Variants in UBR2 observed in about 807,000 individuals in gnomAD.
UBR2 encodes E3 ubiquitin-protein ligase UBR2.
In UBR2, 92 loss-of-function variants were observed where a neutral mutation model predicts 247.9. That is an observed-to-expected ratio of 0.37 (90% CI 0.31 to 0.44). UBR2 has a LOEUF of 0.44. Among genes scored for constraint, UBR2 ranks in the 20% least tolerant of loss-of-function variants. The pLI, the probability that UBR2 is intolerant of heterozygous loss-of-function variation, is 1.00. For synonymous variants in UBR2, 672 were observed against 693.5 expected (o/e 0.97, Z 0.49); for missense variants, 1,613 against 2,112.6 (o/e 0.76, Z 4.64).
chr6:42,618,208 G>C (rs1478742351), intron 11 of UBR2, among the ~76,000 whole-genome samples: 1 of 152,136 alleles, frequency 6.6e-6, no homozygotes, highest in Non-Finnish European at 1.5e-5. Context: ...AAAATAACAA[G>C]AGACCTGTCC....
Position 42,691,526 on chromosome 6 carries a change from C to CA in UBR2, c.*353_*354insA, listed in dbSNP as rs1252696275. On this transcript the variant is annotated 3_prime_UTR_variant, in exon 47 of 47. Transcript: ENST00000372901. ...AACCGTGGGTCCGAAGCTGACTCAACGGAGGCAGGGAACAAAGTCTCTGTG... is the reference window on the plus strand; with the variant it reads ...AACCGTGGGTCCGAAGCTGACTCAACAGGAGGCAGGGAACAAAGTCTCTGTG... The CA allele has an allele frequency of 5.2e-5, 14 of 270,778 alleles. No individual in the cohort carries two copies. In the East Asian group the frequency reaches 1.8e-3, roughly 34 times the overall value. 16.8% of individuals were successfully genotyped at this position (270,778 alleles called of 1,614,324 possible). A position where few individuals can be genotyped will look rare whatever the true frequency, so the allele number is the denominator to read the frequency against.
intron 2 of UBR2, among the ~76,000 whole-genome samples, chr6:42,576,142 G>A (rs1791490934): frequency 6.6e-6 from 1 of 152,000 alleles, no homozygotes; most frequent in Non-Finnish European, 1.5e-5. Flanking sequence ...GTTCTTTTTA[G>A]TGGAAAATGG....
chr6:42,680,757 A>C (rs779500839), intron 42 of UBR2, among the ~76,000 whole-genome samples: 2 of 152,200 alleles, frequency 1.3e-5, no homozygotes, highest in African/African-American at 2.4e-5. Flanking sequence ...TGCAAACTAC[A>C]TATCTGATAA....
At chr6:42,645,030 A>G (rs547994990) in intron 20 of UBR2, among the ~76,000 whole-genome samples, 6 of 152,060 alleles carry the variant, frequency 3.9e-5, no homozygotes, top group Non-Finnish European at 8.8e-5. Flanking sequence ...GACCCCCTGC[A>G]GTCCATAGAG....
At chr6:42,644,130 A>C in intron 18 of UBR2, 84 bp from the exon 19 acceptor site, 1 of 1,421,980 alleles carries the variant, frequency 7.0e-7, no homozygotes, top group Non-Finnish European at 9.4e-7. Context: ...GGGCAAGCCA[A>C]ACTATCTCTC....
In UBR2 at chr6:42,692,326, T is replaced by C. The variant is rs1490445525; in HGVS notation, c.*1153T>C. 8 of 152,234 alleles carry C rather than the reference T, an allele frequency of 5.3e-5. No homozygotes were observed. Among genetic ancestry groups the C allele is most frequent in the Admixed American group, 5.2e-4 (8 of 15,284 alleles). 9.4% of individuals were successfully genotyped at this position (152,234 alleles called of 1,614,324 possible). ...CTGGAACAGACAAGCTGCTGCTTCC[T>C]TGCTGGCTCACTTAGTGCATTCCTG... is the stretch of plus-strand genomic sequence containing the variant. On this transcript the variant is annotated 3_prime_UTR_variant, in exon 47 of 47. Coordinates refer to ENST00000372901, the MANE Select transcript of UBR2 (RefSeq NM_001363705.2).
intron 8 of UBR2, 141 bp from the exon 9 acceptor site, chr6:42,614,930 T>C (rs1794442723): frequency 1.7e-6 from 1 of 591,262 alleles, no homozygotes; most frequent in Non-Finnish European, 2.8e-6. Flanking sequence ...ATAAAACAGT[T>C]AATATGTTTG....
Position 42,632,877 on chromosome 6 carries a change from CT to C in UBR2, c.1523del (p.Leu508TrpfsTer4). On this transcript the variant is annotated frameshift_variant, in exon 13 of 47. Transcript: ENST00000372901. LOFTEE classifies it high-confidence loss of function. ...RQKFLEGFDAFLELLKCMQGM... is the reference protein window; with the variant it reads ...RQKFLEGFDAXLELLKCMQGM... ...AGAAGTTCCTAGAAGGGTTTGATGC[CT>C]TTTTGGAATTACTAAAATGTATGCA... 3 of 1,588,908 alleles carry C rather than the reference CT, an allele frequency of 1.9e-6. No homozygotes were observed. The highest frequency in any genetic ancestry group is 2.3e-5 in the East Asian group (1 of 44,304).
rs766547729 is a variant in UBR2, at chr6:42,676,106, G to A, written c.4302G>A (p.Gly1434=). ...CGTTGCAGTGTCAGGATTTTTCAGG[G>A]ATCAGCCTTGGCACTGGAGACCTTC... ...FPALQCQDFS[G]ISLGTGDLHI... is the part of the protein sequence containing the mutation. Residue 1434 remains glycine, a synonymous_variant, in exon 39 of 47, where the codon GGG becomes GGA. Transcript: ENST00000372901. 3.1e-6 allele frequency: 5 copies of A among 1,613,516 alleles called. No homozygotes were observed. The highest frequency in any genetic ancestry group is 2.5e-6 in the Non-Finnish European group (3 of 1,179,896).
chr6:42,613,476 C>T (rs2151936218), intron 8 of UBR2, among the ~76,000 whole-genome samples: 1 of 152,154 alleles, frequency 6.6e-6, no homozygotes, highest in East Asian at 1.9e-4. Context: ...AGTCATAACA[C>T]TCTGGGAGGC....
At chr6:42,668,354 T>C (rs1798243720) in intron 34 of UBR2, among the ~76,000 whole-genome samples, 1 of 152,234 alleles carries the variant, frequency 6.6e-6, no homozygotes, top group Admixed American at 6.5e-5. Flanking sequence ...AGGGTAGAAG[T>C]AACTTTTTAT....
At chr6:42,670,596 A>G in intron 35 of UBR2, 64 bp from the exon 36 acceptor site, 1 of 1,224,382 alleles carries the variant, frequency 8.2e-7, no homozygotes, top group South Asian at 1.5e-5. Flanking sequence ...TAACCTTTTT[A>G]AGAAAATTAT....
At chr6:42,644,138 C>A in intron 18 of UBR2, 76 bp from the exon 19 acceptor site, 1 of 1,456,224 alleles carries the variant, frequency 6.9e-7, no homozygotes, top group Non-Finnish European at 9.2e-7. Flanking sequence ...CAAACTATCT[C>A]TCACTAATTG....
At chr6:42,616,771 A>G (rs749561098) in intron 10 of UBR2, among the ~76,000 whole-genome samples, 1 of 152,150 alleles carries the variant, frequency 6.6e-6, no homozygotes, top group Non-Finnish European at 1.5e-5. Flanking sequence ...TATGAGAATC[A>G]CTTGGAGAGC....
At chr6:42,647,610 TAA>T (rs1796852011) in intron 21 of UBR2, among the ~76,000 whole-genome samples, 1 of 151,790 alleles carries the variant, frequency 6.6e-6, no homozygotes, top group Non-Finnish European at 1.5e-5. Flanking sequence ...AAATAAAAAA[TAA>T]AGTGATTGTA....
chr6:42,568,001 C>G (rs1790884025), intron 1 of UBR2, among the ~76,000 whole-genome samples: 1 of 152,154 alleles, frequency 6.6e-6, no homozygotes, highest in Non-Finnish European at 1.5e-5. Flanking sequence ...GAGCTATGAT[C>G]ATGCCACTGT....
In UBR2 at chr6:42,665,389, C is replaced by A. The variant is rs565515782; in HGVS notation, c.3699-20C>A. 2 of 1,549,666 alleles carry A rather than the reference C, an allele frequency of 1.3e-6. No individual in the cohort carries two copies. Among genetic ancestry groups the A allele is most frequent in the Admixed American group, 3.5e-5 (2 of 57,868 alleles). On this transcript the variant is annotated intron_variant, in intron 32 of 46. Coordinates refer to ENST00000372901, the MANE Select transcript of UBR2 (RefSeq NM_001363705.2). Reference sequence around the variant, plus strand: ...AGGAACAATAATAAAACACTAAATACTCTCTATAATCTTTTCTAGCAGGTT... The same window carrying A: ...AGGAACAATAATAAAACACTAAATAATCTCTATAATCTTTTCTAGCAGGTT...
chr6:42,632,785 G>A lies in UBR2; in HGVS notation c.1446-20G>A, dbSNP rs773373623. On this transcript the variant is annotated intron_variant, in intron 12 of 46. Coordinates refer to ENST00000372901, the MANE Select transcript of UBR2 (RefSeq NM_001363705.2). ...GTCAATGTTTATGTTAATTGCCACT[G>A]TCACTTTTATCTTGTTCAGGTATGT... 1.3e-6 allele frequency: 2 copies of A among 1,590,770 alleles called. No individual in the cohort carries two copies. The highest frequency in any genetic ancestry group is 2.2e-5 in the East Asian group (1 of 44,696).
Position 42,659,763 on chromosome 6 carries a change from T to G in UBR2, c.3350T>G (p.Val1117Gly). ...ATATTGTGTCAAGAGGAGCAAGAAGTTAAAGTGGAAAGCAGGGCAATGGTC... is the reference window on the plus strand; with the variant it reads ...ATATTGTGTCAAGAGGAGCAAGAAGGTAAAGTGGAAAGCAGGGCAATGGTC... ...TCILCQEEQEVKVESRAMVLA... is the reference protein window; with the variant it reads ...TCILCQEEQEGKVESRAMVLA... Residue 1117 changes from valine (V) to glycine (G), a missense_variant, in exon 30 of 47, where the codon GTT becomes GGT. By Grantham distance (109) the Val-to-Gly change is moderately radical. Around this residue, in one of 3 missense-constraint regions of UBR2, gnomAD observed 1,524 missense variants for 1,967.3 expected, o/e 0.77. Transcript: ENST00000372901. The surrounding 1 kb of genome is among the most constrained non-coding windows in gnomAD (Gnocchi z 4.3). 1 of 1,613,986 alleles carries G rather than the reference T, an allele frequency of 6.2e-7. No homozygotes were observed. Among genetic ancestry groups the G allele is most frequent in the Non-Finnish European group, 8.5e-7 (1 of 1,179,986 alleles).
Sources: gnomAD v4.1 joint callset for allele counts (sites outside exome capture counted in the v4.1 genomes callset) on GRCh38, gnomAD v4.1.1 for gene constraint, gnomAD v4.1.1 regional missense constraint, Gnocchi (gnomAD v3.1) non-coding constraint, MANE v1.5 for transcripts, NCBI Gene and HGNC (gene_info 2026-07-23, HGNC 2026-07-21) for gene names.